The following VCAM1 variants were observed in gnomAD, a reference collection of about 807,000 sequenced individuals.
VCAM1 encodes vascular cell adhesion molecule 1, also known as vascular cell adhesion protein 1.
In VCAM1, 41 loss-of-function variants were observed where a neutral mutation model predicts 63.8. That is an observed-to-expected ratio of 0.64 (90% CI 0.50 to 0.83). The LOEUF (loss-of-function observed/expected upper bound fraction) is 0.83. Ranked by LOEUF, VCAM1 falls within the 40% of genes least tolerant of loss-of-function variation. The pLI is 0.00. For missense variants in VCAM1, 798 were observed against 875.5 expected, an observed-to-expected ratio of 0.91 and a Z score of 1.12; for synonymous variants, 338 against 320.7, an observed-to-expected ratio of 1.05 and a Z score of -0.58.
At chr1:100,723,992 A>G (rs769121736) in intron 3 of VCAM1, among the ~76,000 whole-genome samples, 4 of 152,058 alleles carry the variant, frequency 2.6e-5, no homozygotes, top group Non-Finnish European at 5.9e-5. Context: ...CGGCATGTTT[A>G]GCTGAAAGAG....
chr1:100,724,323 G>A lies in VCAM1; in HGVS notation c.662-301G>A, dbSNP rs536297315. On this transcript the variant is annotated intron_variant, in intron 3 of 8. Transcript: ENST00000294728. ...GTAAATGTTGAAGCTGACTTGAATGGGCACTTGGCAAGAATGCTTAAATGG... is the reference window on the plus strand; with the variant it reads ...GTAAATGTTGAAGCTGACTTGAATGAGCACTTGGCAAGAATGCTTAAATGG... 3.3e-5 allele frequency among the ~76,000 whole-genome samples: 5 copies of A among 152,094 alleles called. No homozygotes were observed. The South Asian group carries it at 1.0e-3, about 32-fold the overall frequency.
At chr1:100,723,414 G>T in intron 3 of VCAM1, 74 bp downstream of exon 3, 2 of 1,366,930 alleles carry the variant, frequency 1.5e-6, no homozygotes, top group Non-Finnish European at 2.0e-6. Context: ...AAACTTAGCA[G>T]AAAAGTAAAA....
At chr1:100,727,871 A>G (rs1660230114) in intron 4 of VCAM1, among the ~76,000 whole-genome samples, 1 of 152,176 alleles carries the variant, frequency 6.6e-6, no homozygotes, top group Non-Finnish European at 1.5e-5. Context: ...CTAAGATGTC[A>G]TAATTAGACA....
rs1659924075 is a variant in VCAM1 at position 100,720,605 on chromosome 1, G to A, written c.194G>A (p.Ser65Asn). The A allele has an allele frequency of 1.2e-6, 2 of 1,613,088 alleles. No homozygotes were observed. The highest frequency in any genetic ancestry group is 1.3e-5 in the African/African-American group (1 of 74,816). The change falls in exon 2 of 9, where the codon AGT becomes AAT. Residue 65 changes from serine (S) to asparagine (N), a missense_variant. By Grantham distance (46) the Ser-to-Asn change is conservative. Transcript: ENST00000294728. ...TTCTCTTGGAGAACCCAGATAGATA[G>A]TCCACTGAATGGGAAGGTGACGAAT... Reference protein sequence around the residue: ...PFFSWRTQIDSPLNGKVTNEG... With the variant: ...PFFSWRTQIDNPLNGKVTNEG...
At chr1:100,738,068 T>C (rs1017841621) in intron 8 of VCAM1, 55 bp from the exon 9 acceptor site, 1 of 1,568,628 alleles carries the variant, frequency 6.4e-7, no homozygotes, top group African/African-American at 1.4e-5. Context: ...CTGTTGTTAT[T>C]AAATGCTATC....
rs368517904 is a variant in VCAM1 at position 100,724,679 on chromosome 1, T to G, written c.717T>G (p.Gly239=). The change falls in exon 4 of 9, where the codon GGT becomes GGG. Residue 239 remains glycine, a synonymous_variant. Coordinates refer to ENST00000294728, the MANE Select transcript of VCAM1 (RefSeq NM_001078.4). ...SVNPSTKLQE[G]GSVTMTCSSE... is the part of the protein sequence containing the mutation. ...ATCCATCCACAAAGCTGCAAGAAGG[T>G]GGCTCTGTGACCATGACCTGTTCCA... The G allele has an allele frequency of 3.1e-6, 5 of 1,612,940 alleles. No individual in the cohort carries two copies. Among genetic ancestry groups the G allele is most frequent in the Non-Finnish European group, 3.4e-6 (4 of 1,179,430 alleles).
chr1:100,726,827 C>A (rs1350775247), intron 4 of VCAM1, among the ~76,000 whole-genome samples: 1 of 151,916 alleles, frequency 6.6e-6, no homozygotes, highest in Non-Finnish European at 1.5e-5. Flanking sequence ...TTAGTAAGAG[C>A]CAAAATAATA....
rs747911510 is a variant in VCAM1 at position 100,719,877 on chromosome 1, T to C, written c.17T>C (p.Val6Ala). 6.2e-7 allele frequency: 1 copy of C among 1,611,974 alleles called. No homozygotes were observed. The highest frequency in any genetic ancestry group is 1.1e-5 in the South Asian group (1 of 90,936). The change falls in exon 1 of 9, where the codon GTC becomes GCC. Residue 6 changes from valine to alanine, a missense_variant. Transcript: ENST00000294728. MPGKM[V>A]VILGASNILW... ...CAACTTAAAATGCCTGGGAAGATGG[T>C]CGTGATCCTTGGAGCCTCAAATATA...
At chr1:100,723,427 A>G in intron 3 of VCAM1, 87 bp downstream of exon 3, 1 of 1,367,398 alleles carries the variant, frequency 7.3e-7, no homozygotes, top group Non-Finnish European at 9.9e-7. Context: ...AAGTAAAAAA[A>G]AAAAAAACTT....
Position 100,731,628 on chromosome 1 carries a change from T to C in VCAM1, c.1525+110T>C. 9.6e-7 allele frequency: 1 copy of C among 1,042,852 alleles called. No homozygotes were observed. Among genetic ancestry groups the C allele is most frequent in the Non-Finnish European group, 1.4e-6 (1 of 732,816 alleles). The allele number at this position is 1,042,852 out of a possible 1,614,324, so 64.6% of individuals were successfully genotyped here. On this transcript the variant is annotated intron_variant, in intron 6 of 8. Transcript: ENST00000294728. This position sits in a 1 kb window ranked among gnomAD's most constrained non-coding sequence, Gnocchi z 4.2. ...TTAAAACCTCTGTGGAGAAAAAACG[T>C]TACTGAAAAGAAATTTCAAAATAAT...
Position 100,731,135 on chromosome 1 carries a change from A to G in VCAM1, c.1205-63A>G. ...CATTTTTAGGCCTTTACATTTAATA[A>G]AGCTTAGCTCAATTTTTCCTTGAAT... On this transcript the variant is annotated intron_variant, in intron 5 of 8. Transcript: ENST00000294728. This position sits in a 1 kb window ranked among gnomAD's most constrained non-coding sequence, Gnocchi z 4.2. The G allele has an allele frequency of 2.0e-6, 3 of 1,503,160 alleles. No individual in the cohort carries two copies. The highest frequency in any genetic ancestry group is 2.7e-6 in the Non-Finnish European group (3 of 1,124,820). 93.1% of individuals were successfully genotyped at this position (1,503,160 alleles called of 1,614,324 possible). A position where few individuals can be genotyped will look rare whatever the true frequency, so the allele number is the denominator to read the frequency against.
chr1:100,723,718 A>C (rs1014595582), intron 3 of VCAM1, among the ~76,000 whole-genome samples: 8 of 152,072 alleles, frequency 5.3e-5, no homozygotes, highest in African/African-American at 1.9e-4. Context: ...TTAGTTGCAC[A>C]GGTACAGAAA....
chr1:100,727,844 A>G (rs566824914), intron 4 of VCAM1, among the ~76,000 whole-genome samples: 2 of 152,136 alleles, frequency 1.3e-5, no homozygotes, highest in South Asian at 2.1e-4. Context: ...ATTGAGGAGA[A>G]TCTTCTTCAG....
In VCAM1 at chr1:100,724,842, GTTAA is replaced by G; in HGVS notation, c.883_886del (p.Asn295Ter). The stretch of plus-strand genomic sequence containing the variant: ...TTCTGGAATTTATGTGTGTGAAGGA[GTTAA>G]TTTGATTGGGAAAAACAGAAAAGAG... On this transcript the variant is annotated frameshift_variant, in exon 4 of 9. Coordinates refer to ENST00000294728, the MANE Select transcript of VCAM1 (RefSeq NM_001078.4). LOFTEE classifies it high-confidence loss of function. 6.2e-7 allele frequency: 1 copy of G among 1,612,892 alleles called. No homozygotes were observed. Among genetic ancestry groups the G allele is most frequent in the Non-Finnish European group, 8.5e-7 (1 of 1,179,302 alleles).
chr1:100,734,116 T>G (rs935269565), intron 7 of VCAM1, among the ~76,000 whole-genome samples: 3 of 152,088 alleles, frequency 2.0e-5, no homozygotes, highest in Non-Finnish European at 4.4e-5. Context: ...TTAACTATCA[T>G]GAGAACAGCA....
Position 100,724,608 on chromosome 1 carries a change from T to C in VCAM1, c.662-16T>C. On this transcript the variant is annotated splice_polypyrimidine_tract_variant and intron_variant, in intron 3 of 8. Transcript: ENST00000294728. ...TGATGCTTAGCAATTGCTAATATTA[T>C]TTTTTGCCCTTTCAGTATCACCCAA... The C allele has an allele frequency of 6.2e-7, 1 of 1,606,924 alleles. No homozygotes were observed. Among genetic ancestry groups the C allele is most frequent in the Non-Finnish European group, 8.5e-7 (1 of 1,175,018 alleles).
At chr1:100,734,177 CA>C (rs1331530260) in intron 7 of VCAM1, among the ~76,000 whole-genome samples, 2 of 152,154 alleles carry the variant, frequency 1.3e-5, no homozygotes, top group Non-Finnish European at 2.9e-5. Context: ...GTTCCTCCCT[CA>C]AAACGTGAGG....
chr1:100,721,905 CAT>C (rs1659967082), intron 2 of VCAM1, among the ~76,000 whole-genome samples: 1 of 151,990 alleles, frequency 6.6e-6, no homozygotes, highest in African/African-American at 2.4e-5. Flanking sequence ...TGAAAAATAC[CAT>C]GTTTCTTCAC....
intron 4 of VCAM1, among the ~76,000 whole-genome samples, chr1:100,727,031 A>C (rs974506251): frequency 2.3e-5 from 3 of 129,260 alleles, no homozygotes; most frequent in Non-Finnish European, 4.9e-5. Context: ...AAACTCCTTA[A>C]AATCAGGAAT....
Sources: gnomAD v4.1 joint callset for allele counts (sites outside exome capture counted in the v4.1 genomes callset) on GRCh38, gnomAD v4.1.1 for gene constraint, Gnocchi (gnomAD v3.1) non-coding constraint, MANE v1.5 for transcripts, NCBI Gene and HGNC (gene_info 2026-07-23, HGNC 2026-07-21) for gene names.